PPP1R9A: variants seen among roughly 807,000 people sequenced by gnomAD.
The protein encoded by PPP1R9A is neurabin-1.
Under a neutral mutation model 141.9 loss-of-function variants are expected in PPP1R9A, and 59 were observed. The ratio of observed to expected loss-of-function variants is 0.42; its 90% CI spans 0.34 to 0.52. PPP1R9A has a LOEUF of 0.52. Ranked by LOEUF, PPP1R9A falls within the 20% of genes least tolerant of loss-of-function variation. The pLI, the probability that PPP1R9A is intolerant of heterozygous loss-of-function variation, is 0.10. For missense variants in PPP1R9A, 1,444 were observed against 1,611.9 expected (o/e 0.90, Z 1.78); for synonymous variants, 500 against 569.7 (o/e 0.88, Z 1.74).
intron 2 of PPP1R9A, among the ~76,000 whole-genome samples, chr7:94,939,011 A>T (rs1041234277): frequency 1.3e-5 from 2 of 152,004 alleles, no homozygotes; most frequent in African/African-American, 4.8e-5. Context: ...CAAATATATT[A>T]GTATTATTTG....
At chr7:95,210,230 G>C (rs1326148453) in intron 7 of PPP1R9A, among the ~76,000 whole-genome samples, 2 of 152,104 alleles carry the variant, frequency 1.3e-5, no homozygotes, top group East Asian at 3.9e-4. Flanking sequence ...CTCACAAGCA[G>C]CTTATTTTGC....
rs977020739 is a variant in PPP1R9A, at chr7:95,015,247, CAT to C, written c.1396-96010_1396-96009del. Among the ~76,000 whole-genome samples, 22 of 149,576 alleles carry C rather than the reference CAT, an allele frequency of 1.5e-4. 1 individual carries two copies. Among genetic ancestry groups the C allele is most frequent in the Admixed American group, 4.8e-4 (7 of 14,678 alleles). On this transcript the variant is annotated intron_variant, in intron 2 of 19. Coordinates refer to ENST00000433360, the MANE Select transcript of PPP1R9A (RefSeq NM_001166160.2). ...ATATATACACACACACACACACACA[CAT>C]ACACACACACATACATATACATATA...
chr7:95,208,622 G>A (rs1364258023), intron 7 of PPP1R9A, among the ~76,000 whole-genome samples: 2 of 151,864 alleles, frequency 1.3e-5, no homozygotes, highest in Non-Finnish European at 2.9e-5. Context: ...TACTTGGGAG[G>A]CTGAGGCAGG....
intron 5 of PPP1R9A, among the ~76,000 whole-genome samples, chr7:95,177,366 A>C (rs1218476134): frequency 5.9e-5 from 9 of 152,290 alleles, no homozygotes; most frequent in South Asian, 2.1e-4. Context: ...CTGCTAAAAG[A>C]AGCTCTAAAT....
chr7:95,066,006 G>T (rs1812886602), intron 2 of PPP1R9A, among the ~76,000 whole-genome samples: 1 of 152,120 alleles, frequency 6.6e-6, no homozygotes, highest in Admixed American at 6.6e-5. Context: ...TTATAGAAAT[G>T]TATTGTTATG....
intron 4 of PPP1R9A, chr7:95,154,853 A>C (rs567972644): frequency 6.6e-6 from 1 of 152,198 alleles, no homozygotes; most frequent in Non-Finnish European, 1.5e-5. Flanking sequence ...TGTTTTATGA[A>C]ATTATTTGGA....
In PPP1R9A at chr7:94,916,743, A is replaced by G. The variant is rs151298101; in HGVS notation, c.1395+5235A>G. Reference sequence around the variant, plus strand: ...GCAAGTGTAAATTAATAAACTTAGTATAAGAATGGTCATATGATTTAACTT... The same window carrying G: ...GCAAGTGTAAATTAATAAACTTAGTGTAAGAATGGTCATATGATTTAACTT... On this transcript the variant is annotated intron_variant, in intron 2 of 19. Coordinates refer to ENST00000433360, the MANE Select transcript of PPP1R9A (RefSeq NM_001166160.2). Among the ~76,000 whole-genome samples, 984 of 152,308 alleles carry G rather than the reference A, an allele frequency of 6.5e-3. 12 individuals are homozygous for G. The highest frequency in any genetic ancestry group is 0.023 in the African/African-American group (939 of 41,568).
At chr7:95,023,901 C>G (rs1019526882) in intron 2 of PPP1R9A, among the ~76,000 whole-genome samples, 9 of 152,136 alleles carry the variant, frequency 5.9e-5, no homozygotes, top group African/African-American at 1.9e-4. Flanking sequence ...TTAGATCTTT[C>G]CTGCTTTCTC....
chr7:95,253,014 T>C (rs569151462), intron 12 of PPP1R9A, among the ~76,000 whole-genome samples: 3 of 152,336 alleles, frequency 2.0e-5, no homozygotes, highest in Non-Finnish European at 4.4e-5. Context: ...AATAAATTAC[T>C]TATGTTCTTA....
At position 95,085,385 on chromosome 7, in the gene PPP1R9A, C is replaced by T. The variant is rs577774968; in HGVS notation, c.1396-25874C>T. On this transcript the variant is annotated intron_variant, in intron 2 of 19. Coordinates refer to ENST00000433360, the MANE Select transcript of PPP1R9A (RefSeq NM_001166160.2). Reference sequence around the variant, plus strand: ...AGAGCGCTAGGATTATAGGCATGAGCCACTGCGCTCAGCAAAAAAGAAAAA... The same window carrying T: ...AGAGCGCTAGGATTATAGGCATGAGTCACTGCGCTCAGCAAAAAAGAAAAA... 3.3e-5 allele frequency among the ~76,000 whole-genome samples: 5 copies of T among 151,322 alleles called. 1 individual carries two copies. The highest frequency in any genetic ancestry group is 2.6e-4 in the Admixed American group (4 of 15,184).
Position 95,203,665 on chromosome 7 carries a change from A to T in PPP1R9A, c.1891A>T (p.Asn631Tyr). Residue 631 changes from asparagine (N) to tyrosine (Y), a missense_variant and splice_region_variant, in exon 7 of 20, where the codon AAC becomes TAC. By Grantham distance (143) the Asn-to-Tyr change is moderately radical. Transcript: ENST00000433360. ...TAATATTTTTTGTCAACCATTTTAG[A>T]ACACTGTGGCTGAATTGCAAGGAAT... The part of the protein sequence containing the change: ...YAQYDADDDE[N>Y]TVAELQGMSG... 6.5e-7 allele frequency: 1 copy of T among 1,536,012 alleles called. No individual in the cohort carries two copies.
At chr7:95,053,096 A>G (rs1454041134) in intron 2 of PPP1R9A, among the ~76,000 whole-genome samples, 2 of 152,160 alleles carry the variant, frequency 1.3e-5, no homozygotes, top group African/African-American at 2.4e-5. Flanking sequence ...TTGTATTAAT[A>G]GTAGCATTGG....
chr7:94,991,787 G>T (rs1269078785), intron 2 of PPP1R9A, among the ~76,000 whole-genome samples: 2 of 152,050 alleles, frequency 1.3e-5, no homozygotes, highest in Non-Finnish European at 2.9e-5. Context: ...GAGTAGCTGG[G>T]AACACAGGTT....
At chr7:95,005,195 AT>A (rs1450938887) in intron 2 of PPP1R9A, among the ~76,000 whole-genome samples, 4 of 151,962 alleles carry the variant, frequency 2.6e-5, no homozygotes, top group African/African-American at 4.8e-5. Context: ...TTACTTTTTA[AT>A]TTTTTCATTT....
chr7:95,289,584 A>C (rs1806020592), intron 19 of PPP1R9A, among the ~76,000 whole-genome samples: 1 of 152,226 alleles, frequency 6.6e-6, no homozygotes, highest in South Asian at 2.1e-4. Flanking sequence ...GTCTGCCTAC[A>C]GGGAAAGAAT....
intron 2 of PPP1R9A, among the ~76,000 whole-genome samples, chr7:95,030,914 C>T (rs1366271973): frequency 6.6e-6 from 1 of 152,190 alleles, no homozygotes; most frequent in African/African-American, 2.4e-5. Flanking sequence ...CCTGCCCTTT[C>T]CTCCTGGGGT....
At chr7:95,028,162 A>C (rs1260596391) in intron 2 of PPP1R9A, among the ~76,000 whole-genome samples, 1 of 152,220 alleles carries the variant, frequency 6.6e-6, no homozygotes, top group Non-Finnish European at 1.5e-5. Context: ...TTCAGGATTC[A>C]GAATCACCTC....
At chr7:95,198,045 G>T (rs912471453) in intron 5 of PPP1R9A, among the ~76,000 whole-genome samples, 1 of 152,070 alleles carries the variant, frequency 6.6e-6, no homozygotes, top group Non-Finnish European at 1.5e-5. Flanking sequence ...ATTTTGTATG[G>T]CATCAAAAAT....
chr7:95,003,382 A>T (rs1803202277), intron 2 of PPP1R9A, among the ~76,000 whole-genome samples: 1 of 152,170 alleles, frequency 6.6e-6, no homozygotes, highest in Admixed American at 6.6e-5. Context: ...ATGGTAACTC[A>T]ACTTGTTATT....
Sources: gnomAD v4.1 joint callset for allele counts (sites outside exome capture counted in the v4.1 genomes callset) on GRCh38, gnomAD v4.1.1 for gene constraint, MANE v1.5 for transcripts, NCBI Gene and HGNC (gene_info 2026-07-23, HGNC 2026-07-21) for gene names.